The following COL28A1 variants were observed in gnomAD, a reference collection of about 807,000 sequenced individuals.
COL28A1 encodes collagen type XXVIII alpha 1 chain.
COL28A1 carries 161 observed loss-of-function variants against 150.2 expected under a neutral mutation model. The ratio of observed to expected loss-of-function variants is 1.07; its 90% confidence interval spans 0.94 to 1.22. COL28A1 has a LOEUF of 1.22. Ranked by LOEUF, COL28A1 falls within the 50% of genes most tolerant of loss-of-function variation. The probability of loss-of-function intolerance (pLI) is 0.00; values close to 1 mark genes in which losing one functional copy is unlikely to be tolerated. For missense variants in COL28A1, 1,617 were observed against 1,388.3 expected (o/e 1.16, Z -2.62); for synonymous variants, 552 against 469.7 (o/e 1.18, Z -2.26).
intron 23 of COL28A1, among the ~76,000 whole-genome samples, chr7:7,435,308 G>A (rs1179214879): frequency 6.6e-6 from 1 of 152,192 alleles, no homozygotes; most frequent in Non-Finnish European, 1.5e-5. Flanking sequence ...GGTCATAGCT[G>A]CAGTTTTCAA....
At chr7:7,482,613 T>C (rs992079247) in intron 13 of COL28A1, among the ~76,000 whole-genome samples, 2 of 152,158 alleles carry the variant, frequency 1.3e-5, no homozygotes, top group Admixed American at 6.5e-5. Context: ...GGAACTTTCC[T>C]ACCTTTGTTA....
At chr7:7,471,143 A>AG (rs1307962347) in intron 15 of COL28A1, among the ~76,000 whole-genome samples, 1,748 of 148,128 alleles carry the variant, frequency 0.012, 32 homozygotes, top group African/African-American at 0.04. Context: ...AAAAAAAAAA[A>AG]AGAAAAGATA....
chr7:7,461,339 C>T (rs1035941802), intron 15 of COL28A1, among the ~76,000 whole-genome samples: 3 of 152,204 alleles, frequency 2.0e-5, no homozygotes, highest in African/African-American at 7.2e-5. Flanking sequence ...GGAAGGAAAC[C>T]TCCAACTGAA....
At chr7:7,353,865 T>A (rs1349991023), downstream of COL28A1, among the ~76,000 whole-genome samples, 1 of 152,034 alleles carries the variant, frequency 6.6e-6, no homozygotes, top group Non-Finnish European at 1.5e-5. Context: ...CCAACAACAA[T>A]ATAGTGACTG....
rs569760279 is a variant in COL28A1 at position 7,370,826 on chromosome 7, C to T, written c.2965G>A (p.Val989Ile). The change falls in exon 33 of 35, where the codon GTT becomes ATT. Residue 989 changes from valine (V) to isoleucine (I), a missense_variant. Transcript: ENST00000399429. ...GGTGACGATGAACCAAAAATTTGAA[C>T]GAGATAGGAATCAAAATCCTCACAA... ...KICEDFDSYL[V>I]QIFGSSSPQP... The T allele has an allele frequency of 6.3e-5, 102 of 1,613,210 alleles. No homozygotes were observed. The Middle Eastern group carries it at 8.3e-4, about 13-fold the overall frequency.
At chr7:7,471,137 A>AAAAG (rs1198223716) in intron 15 of COL28A1, among the ~76,000 whole-genome samples, 4 of 149,304 alleles carry the variant, frequency 2.7e-5, no homozygotes, top group Non-Finnish European at 4.5e-5. Context: ...AAAAAAAAAA[A>AAAAG]AAAAAAAGAA....
chr7:7,471,057 C>A, intron 15 of COL28A1, among the ~76,000 whole-genome samples: 1 of 128,378 alleles, frequency 7.8e-6, no homozygotes, highest in Non-Finnish European at 1.6e-5. Context: ...CACATGTATA[C>A]ATATGTAACT....
chr7:7,443,498 G>A (rs1403620561), intron 20 of COL28A1, 87 bp downstream of exon 20: 6 of 1,572,956 alleles, frequency 3.8e-6, no homozygotes, highest in Non-Finnish European at 5.2e-6. Context: ...GACATAGTAA[G>A]AATAACAATC....
chr7:7,478,723 G>T (rs1789134936), intron 13 of COL28A1, among the ~76,000 whole-genome samples: 1 of 152,264 alleles, frequency 6.6e-6, no homozygotes, highest in Non-Finnish European at 1.5e-5. Flanking sequence ...GAGAAATCGA[G>T]CGCACTGCCG....
At chr7:7,452,217 T>C (rs1003619037) in intron 18 of COL28A1, 102 bp downstream of exon 18, 6 of 1,502,572 alleles carry the variant, frequency 4.0e-6, no homozygotes, top group Admixed American at 2.7e-5. Context: ...TTATGTAGAG[T>C]TAGATAACAC....
chr7:7,506,050 T>C lies in COL28A1; in HGVS notation c.990A>G (p.Pro330=). ...GAAACCCCTTTGGGCCTGGGTCTCC[T>C]GGAGGTCCAGTAATTCCCTGCTCCA... The part of the protein sequence containing the change: ...PRGIQGITGP[P]GDPGPKGFQG... Residue 330 remains proline, a synonymous_variant, in exon 11 of 35, where the codon CCA becomes CCG. Coordinates refer to ENST00000399429, the MANE Select transcript of COL28A1 (RefSeq NM_001037763.3). 6.9e-7 allele frequency: 1 copy of C among 1,458,934 alleles called. No individual in the cohort carries two copies. Among genetic ancestry groups the C allele is most frequent in the South Asian group, 1.1e-5 (1 of 87,686 alleles). 90.4% of individuals were successfully genotyped at this position (1,458,934 alleles called of 1,614,324 possible). A position where few individuals can be genotyped will look rare whatever the true frequency, so the allele number is the denominator to read the frequency against.
chr7:7,440,608 A>C (rs1360577751), intron 21 of COL28A1, among the ~76,000 whole-genome samples, 182 bp downstream of exon 21: 2 of 152,246 alleles, frequency 1.3e-5, no homozygotes, highest in African/African-American at 2.4e-5. Flanking sequence ...TATGCAATCT[A>C]TTCCATTCTA....
At chr7:7,527,312 C>T (rs977046906) in intron 3 of COL28A1, among the ~76,000 whole-genome samples, 1 of 152,098 alleles carries the variant, frequency 6.6e-6, no homozygotes, top group Non-Finnish European at 1.5e-5. Context: ...AGGCCAGGGG[C>T]GGGGGAGCCG....
chr7:7,399,219 G>A (rs1390798345), intron 27 of COL28A1, among the ~76,000 whole-genome samples: 1 of 151,990 alleles, frequency 6.6e-6, no homozygotes, highest in Non-Finnish European at 1.5e-5. Flanking sequence ...TCTGACCTCT[G>A]TGCTTCCTGA....
chr7:7,487,570 T>A (rs1057083263), intron 13 of COL28A1, among the ~76,000 whole-genome samples: 1 of 152,056 alleles, frequency 6.6e-6, no homozygotes, highest in South Asian at 2.1e-4. Context: ...AGAGCAAGAC[T>A]CTCTTAAAAA....
intron 14 of COL28A1, among the ~76,000 whole-genome samples, chr7:7,475,515 C>T (rs1048724020): frequency 1.1e-4 from 16 of 152,132 alleles, no homozygotes; most frequent in African/African-American, 3.1e-4. Flanking sequence ...AGATAGAGGT[C>T]AATGCCCATG....
chr7:7,417,452 G>A (rs1183120649), intron 27 of COL28A1, among the ~76,000 whole-genome samples: 3 of 141,426 alleles, frequency 2.1e-5, no homozygotes, highest in African/African-American at 8.2e-5. Flanking sequence ...AGATTGGGAA[G>A]CCCTGGGCTA....
chr7:7,422,497 C>T (rs551877709), intron 25 of COL28A1, among the ~76,000 whole-genome samples: 1 of 152,022 alleles, frequency 6.6e-6, no homozygotes, highest in African/African-American at 2.4e-5. Context: ...GGCGTGGCGG[C>T]AGGCACCTGT....
At position 7,374,024 on chromosome 7, in the gene COL28A1, T is replaced by TAAAAAA. The variant is rs1188442971; in HGVS notation, c.2360-484_2360-479dup. ...CCTTCTGGTTTCTATACTTGACTCT[T>TAAAAAA]AAAAAAAAAAAAAAATATATATATA... is the stretch of plus-strand genomic sequence containing the variant. On this transcript the variant is annotated intron_variant, in intron 31 of 34. Coordinates refer to ENST00000399429, the MANE Select transcript of COL28A1 (RefSeq NM_001037763.3). 1.0e-3 allele frequency among the ~76,000 whole-genome samples: 116 copies of TAAAAAA among 116,326 alleles called. 2 individuals carry two copies. The highest frequency in any genetic ancestry group is 4.4e-3 in the African/African-American group (102 of 23,218). 76.3% of individuals were successfully genotyped at this position (116,326 alleles called of 152,430 possible).
Sources: allele counts gnomAD v4.1 joint callset (sites outside exome capture counted in the v4.1 genomes callset), GRCh38; gene constraint gnomAD v4.1.1; transcripts MANE v1.5; gene names NCBI Gene and HGNC (gene_info 2026-07-23, HGNC 2026-07-21).